ADARB2: variants seen among roughly 807,000 people sequenced by gnomAD.
ADARB2 encodes the protein inactive double-stranded RNA-specific editase B2.
Under a neutral mutation model 62.2 loss-of-function variants are expected in ADARB2, and 25 were observed. The observed-to-expected ratio is 0.40, with a 90% confidence interval of 0.29 to 0.56. ADARB2 has a LOEUF of 0.56. ADARB2 is among the 20% of genes least tolerant of loss of function. The probability of loss-of-function intolerance (pLI) is 0.43; values close to 1 mark genes in which losing one functional copy is unlikely to be tolerated. For missense variants in ADARB2, 1,071 were observed against 1,077.4 expected (o/e 0.99, Z 0.08); for synonymous variants, 572 against 500.8 (o/e 1.14, Z -1.90).
At chr10:1,225,220 T>C (rs1377675607) in intron 6 of ADARB2, among the ~76,000 whole-genome samples, 4 of 152,202 alleles carry the variant, frequency 2.6e-5, no homozygotes, top group African/African-American at 4.8e-5. Context: ...GCTGTTTTAT[T>C]AGAGACTAGG....
chr10:1,498,652 A>G (rs1323486912), intron 1 of ADARB2, among the ~76,000 whole-genome samples: 2 of 152,242 alleles, frequency 1.3e-5, no homozygotes, highest in Non-Finnish European at 2.9e-5. Flanking sequence ...AATAAACATG[A>G]CACATGCAGT....
At chr10:1,444,313 T>TC (rs1564290590) in intron 1 of ADARB2, among the ~76,000 whole-genome samples, 1 of 70,466 alleles carries the variant, frequency 1.4e-5, no homozygotes, top group East Asian at 3.8e-4. Context: ...ATCCATCCAC[T>TC]CATTCATCCT....
chr10:1,425,740 C>T (rs1832888826), intron 1 of ADARB2, among the ~76,000 whole-genome samples: 1 of 152,230 alleles, frequency 6.6e-6, no homozygotes, highest in South Asian at 2.1e-4. Flanking sequence ...ACTTCTCTTC[C>T]TTGTCAGCAG....
At chr10:1,316,920 G>A (rs958696898) in intron 3 of ADARB2, among the ~76,000 whole-genome samples, 1 of 152,224 alleles carries the variant, frequency 6.6e-6, no homozygotes, top group African/African-American at 2.4e-5. Context: ...TTGTGTGCGT[G>A]TGTCTGTGCA....
At chr10:1,347,224 C>G (rs956963427) in intron 3 of ADARB2, among the ~76,000 whole-genome samples, 1 of 152,104 alleles carries the variant, frequency 6.6e-6, no homozygotes, top group African/African-American at 2.4e-5. Flanking sequence ...CCCTGAAATC[C>G]CTTCTCCCTT....
intron 1 of ADARB2, among the ~76,000 whole-genome samples, chr10:1,383,046 T>G (rs546862311): frequency 6.6e-6 from 1 of 152,350 alleles, no homozygotes; most frequent in East Asian, 1.9e-4. Context: ...ATGTACGACT[T>G]GTAAGTTCCA....
At chr10:1,507,684 C>T (rs879901181) in intron 1 of ADARB2, among the ~76,000 whole-genome samples, 5 of 152,276 alleles carry the variant, frequency 3.3e-5, no homozygotes, top group African/African-American at 7.2e-5. Flanking sequence ...TTCCAGGACT[C>T]GATGGAGGGG....
intron 2 of ADARB2, among the ~76,000 whole-genome samples, chr10:1,364,844 C>CTTA (rs1366512102): frequency 2.0e-5 from 3 of 151,322 alleles, no homozygotes; most frequent in Non-Finnish European, 4.4e-5. Flanking sequence ...ATGCGCTCAC[C>CTTA]TTATGCCTCT....
At chr10:1,595,691 G>T (rs1833323749) in intron 1 of ADARB2, among the ~76,000 whole-genome samples, 1 of 152,208 alleles carries the variant, frequency 6.6e-6, no homozygotes, top group Non-Finnish European at 1.5e-5. Context: ...GAAGTATTCT[G>T]CATGGTGCCT....
In ADARB2 at chr10:1,363,864, G is replaced by A; in HGVS notation, c.241C>T (p.Arg81Trp). Residue 81 changes from arginine to tryptophan, a missense_variant, in exon 3 of 10, where the codon CGG (arginine) becomes TGG (tryptophan). Physicochemically the swap from Arg to Trp is moderately radical, Grantham distance 101. Coordinates refer to ENST00000381312, the MANE Select transcript of ADARB2 (RefSeq NM_018702.4). Reference sequence around the variant, plus strand: ...GCCCGGTCCCCGGAGGGCGGTGGCCGCGCGGCCAGGTTGCCCACGTTGCGG... The same window carrying A: ...GCCCGGTCCCCGGAGGGCGGTGGCCACGCGGCCAGGTTGCCCACGTTGCGG... ...ENRNVGNLAARPPPSGDRARG... is the reference protein window; with the variant it reads ...ENRNVGNLAAWPPPSGDRARG... 2 of 1,506,212 alleles carry A rather than the reference G, an allele frequency of 1.3e-6. No individual in the cohort carries two copies. Among genetic ancestry groups the A allele is most frequent in the Non-Finnish European group, 1.8e-6 (2 of 1,137,614 alleles). 93.3% of individuals were successfully genotyped at this position (1,506,212 alleles called of 1,614,324 possible).
At chr10:1,389,808 C>T (rs2387668) in intron 1 of ADARB2, among the ~76,000 whole-genome samples, 58,946 of 151,506 alleles carry the variant, frequency 0.39, 12,033 homozygotes, top group Middle Eastern at 0.47. Context: ...TAAAGGCTGA[C>T]GGCGCTACAT....
Position 1,406,511 on chromosome 10 carries a change from C to A in ADARB2, c.101-27351G>T, listed in dbSNP as rs554895903. 2.0e-5 allele frequency among the ~76,000 whole-genome samples: 3 copies of A among 152,326 alleles called. No individual in the cohort carries two copies. In the East Asian group the frequency reaches 5.8e-4, roughly 29 times the overall value. On this transcript the variant is annotated intron_variant, in intron 1 of 9. Coordinates refer to ENST00000381312, the MANE Select transcript of ADARB2 (RefSeq NM_018702.4). ...TTCTTCATCTCTGTGGCTTCCCTAC[C>A]TGGGGACCACTGGTCGCTAGAAATA...
chr10:1,181,473 G>C lies in ADARB2; in HGVS notation c.*1720C>G, dbSNP rs1836674757. The C allele has an allele frequency of 6.6e-6, 1 of 152,272 alleles. No homozygotes were observed. Among genetic ancestry groups the C allele is most frequent in the East Asian group, 1.9e-4 (1 of 5,192 alleles). 9.4% of individuals were successfully genotyped at this position (152,272 alleles called of 1,614,324 possible). Reference sequence around the variant, plus strand: ...GAAGAAGTTGTCTACTCCAGTACCTGTTTTCTTTTCTAAAAGAACTCGAGT... The same window carrying C: ...GAAGAAGTTGTCTACTCCAGTACCTCTTTTCTTTTCTAAAAGAACTCGAGT... On this transcript the variant is annotated 3_prime_UTR_variant, in exon 10 of 10. Coordinates refer to ENST00000381312, the MANE Select transcript of ADARB2 (RefSeq NM_018702.4).
At chr10:1,693,015 G>T (rs79661373) in intron 1 of ADARB2, among the ~76,000 whole-genome samples, 8,177 of 152,180 alleles carry the variant, frequency 0.054, 281 homozygotes, top group Middle Eastern at 0.088. Context: ...CCTGAAGCCT[G>T]GAGTTTTTGG....
At chr10:1,694,813 G>A (rs1028291250) in intron 1 of ADARB2, among the ~76,000 whole-genome samples, 5 of 152,170 alleles carry the variant, frequency 3.3e-5, no homozygotes, top group African/African-American at 9.7e-5. Context: ...ATGGGGTTAG[G>A]ATGAGCAGAT....
At chr10:1,285,306 T>C (rs186589280) in intron 3 of ADARB2, among the ~76,000 whole-genome samples, 203 of 151,454 alleles carry the variant, frequency 1.3e-3, no homozygotes, top group African/African-American at 4.8e-3. Flanking sequence ...CGCGCCCTCC[T>C]GTGAACCCTT....
intron 1 of ADARB2, among the ~76,000 whole-genome samples, chr10:1,587,287 G>C (rs1297527650): frequency 2.6e-5 from 4 of 152,188 alleles, no homozygotes; most frequent in Non-Finnish European, 4.4e-5. Context: ...CGGGTTCTGG[G>C]CGTCCGGGGG....
chr10:1,310,251 A>T (rs936218522), intron 3 of ADARB2, among the ~76,000 whole-genome samples: 6 of 152,224 alleles, frequency 3.9e-5, no homozygotes, highest in African/African-American at 1.2e-4. Flanking sequence ...GACTTCCACC[A>T]TGCCTGGCAC....
intron 1 of ADARB2, among the ~76,000 whole-genome samples, chr10:1,401,644 C>T (rs1363308910): frequency 2.6e-5 from 4 of 152,214 alleles, no homozygotes; most frequent in Non-Finnish European, 2.9e-5. Context: ...CTGTGTATCC[C>T]GTGTCCCCAT....
Sources: gnomAD v4.1 joint callset for allele counts (sites outside exome capture counted in the v4.1 genomes callset) on GRCh38, gnomAD v4.1.1 for gene constraint, MANE v1.5 for transcripts, NCBI Gene and HGNC (gene_info 2026-07-23, HGNC 2026-07-21) for gene names.